The following SNTG2 variants were observed in gnomAD, a reference collection of about 807,000 sequenced individuals.
SNTG2 encodes the protein syntrophin gamma 2, also known as gamma-2-syntrophin.
SNTG2 carries 74 observed loss-of-function variants against 70.9 expected under a neutral mutation model. That is an observed-to-expected ratio of 1.04 (90% CI 0.86 to 1.27). SNTG2 has a LOEUF of 1.27. Among genes scored for constraint, SNTG2 ranks in the 50% most tolerant of loss-of-function variants. The pLI, the probability that SNTG2 is intolerant of heterozygous loss-of-function variation, is 0.00. For synonymous variants in SNTG2, 278 were observed against 273.8 expected (o/e 1.02, Z -0.15); for missense variants, 717 against 690.7 (o/e 1.04, Z -0.43).
chr2:1,168,581 A>G (rs80013127), intron 7 of SNTG2, among the ~76,000 whole-genome samples: 2,019 of 152,348 alleles, frequency 0.013, 46 homozygotes, highest in African/African-American at 0.046. Context: ...TCATAGCATG[A>G]CTTCTGCTTT....
At chr2:1,312,439 T>A (rs1681047078) in intron 15 of SNTG2, among the ~76,000 whole-genome samples, 1 of 152,110 alleles carries the variant, frequency 6.6e-6, no homozygotes, top group Non-Finnish European at 1.5e-5. Context: ...TCGACAAGAA[T>A]AGAACCCACA....
intron 4 of SNTG2, among the ~76,000 whole-genome samples, chr2:1,117,526 C>A (rs918626516): frequency 6.6e-6 from 1 of 152,168 alleles, no homozygotes; most frequent in Admixed American, 6.5e-5. Context: ...CCCTGGGGAG[C>A]TGGAGCCCTC....
At chr2:1,117,990 G>T (rs1414815699) in intron 4 of SNTG2, among the ~76,000 whole-genome samples, 1 of 152,096 alleles carries the variant, frequency 6.6e-6, no homozygotes, top group Non-Finnish European at 1.5e-5. Context: ...GGCCATGACA[G>T]TGCTATGTCC....
chr2:1,072,036 C>T (rs1187188223), intron 1 of SNTG2, among the ~76,000 whole-genome samples: 1 of 152,106 alleles, frequency 6.6e-6, no homozygotes, highest in African/African-American at 2.4e-5. Context: ...GCCATCTTGA[C>T]AACATAAAAG....
chr2:1,284,615 G>A (rs1033585927), intron 14 of SNTG2, among the ~76,000 whole-genome samples: 2 of 152,066 alleles, frequency 1.3e-5, no homozygotes, highest in Non-Finnish European at 2.9e-5. Context: ...GGCCCTAAAG[G>A]ATGTCATGTT....
intron 6 of SNTG2, among the ~76,000 whole-genome samples, chr2:1,142,515 A>T (rs1265953347): frequency 6.6e-6 from 1 of 152,144 alleles, no homozygotes; most frequent in African/African-American, 2.4e-5. Context: ...TTTTTGGCAA[A>T]GAAATGAATG....
chr2:1,289,471 G>A (rs556948359), intron 14 of SNTG2, among the ~76,000 whole-genome samples: 27 of 152,116 alleles, frequency 1.8e-4, no homozygotes, highest in Admixed American at 1.4e-3. Context: ...TTGGCAGATC[G>A]TACCCTGGAA....
intron 1 of SNTG2, among the ~76,000 whole-genome samples, chr2:963,874 A>G (rs1395231477): frequency 1.3e-5 from 2 of 152,180 alleles, no homozygotes; most frequent in Non-Finnish European, 2.9e-5. Context: ...AGATAATCCA[A>G]TTGCATGTTG....
intron 1 of SNTG2, among the ~76,000 whole-genome samples, chr2:1,021,936 C>CTTTTTTTT (rs71392556): frequency 9.9e-5 from 12 of 121,106 alleles, no homozygotes; most frequent in South Asian, 2.8e-4. Flanking sequence ...GTTTTATGTG[C>CTTTTTTTT]TTTTTTTTTT....
intron 1 of SNTG2, among the ~76,000 whole-genome samples, chr2:1,022,297 T>C (rs1660225208): frequency 6.6e-6 from 1 of 152,000 alleles, no homozygotes; most frequent in Non-Finnish European, 1.5e-5. Flanking sequence ...TGTGAGCCCC[T>C]GTGTTCCCGT....
intron 1 of SNTG2, among the ~76,000 whole-genome samples, chr2:996,743 C>CAT (rs771291753): frequency 1.7e-4 from 20 of 118,474 alleles, no homozygotes; most frequent in Non-Finnish European, 2.8e-4. Context: ...ACAAGAAAGA[C>CAT]ATTTTGGAGA....
At chr2:1,273,790 G>GA (rs1386184504) in intron 14 of SNTG2, among the ~76,000 whole-genome samples, 1 of 151,400 alleles carries the variant, frequency 6.6e-6, no homozygotes, top group Non-Finnish European at 1.5e-5. Flanking sequence ...CACAAACCAT[G>GA]AAAAAAAATT....
chr2:1,208,463 G>T (rs1307824851), intron 8 of SNTG2, among the ~76,000 whole-genome samples: 1 of 152,146 alleles, frequency 6.6e-6, no homozygotes, highest in Non-Finnish European at 1.5e-5. Flanking sequence ...AATGGGAGGT[G>T]GGTGGATCCT....
intron 16 of SNTG2, among the ~76,000 whole-genome samples, chr2:1,322,472 A>G (rs1284977833): frequency 6.6e-6 from 1 of 152,212 alleles, no homozygotes; most frequent in Non-Finnish European, 1.5e-5. Flanking sequence ...GTTCCAATGC[A>G]GACCCCATAA....
At chr2:1,302,513 C>CA (rs553562118) in intron 14 of SNTG2, among the ~76,000 whole-genome samples, 103 of 78,644 alleles carry the variant, frequency 1.3e-3, no homozygotes, top group African/African-American at 4.8e-3. Flanking sequence ...AAGAGACACT[C>CA]AAAAAAATAC....
chr2:1,192,510 GA>G (rs1367151740), intron 8 of SNTG2, among the ~76,000 whole-genome samples: 1 of 152,040 alleles, frequency 6.6e-6, no homozygotes. Context: ...AATTTACCAA[GA>G]ATTTTTAATT....
intron 8 of SNTG2, among the ~76,000 whole-genome samples, chr2:1,178,818 A>G (rs1306666279): frequency 6.6e-6 from 1 of 152,212 alleles, no homozygotes; most frequent in Admixed American, 6.5e-5. Context: ...CTGGCCTCAT[A>G]AAATGAGTTA....
intron 16 of SNTG2, among the ~76,000 whole-genome samples, chr2:1,335,763 G>A (rs1659788292): frequency 6.6e-6 from 1 of 151,866 alleles, no homozygotes; most frequent in Admixed American, 6.6e-5. Flanking sequence ...TAACTTGCTT[G>A]TGATTGGATT....
intron 14 of SNTG2, among the ~76,000 whole-genome samples, chr2:1,308,156 G>A (rs531422131): frequency 2.6e-5 from 4 of 152,312 alleles, no homozygotes; most frequent in East Asian, 1.9e-4. Flanking sequence ...CTAGCAGAAA[G>A]AAAATTCAGT....
Sources: allele counts gnomAD v4.1 joint callset (sites outside exome capture counted in the v4.1 genomes callset), GRCh38; gene constraint gnomAD v4.1.1; transcripts MANE v1.5; gene names NCBI Gene and HGNC (gene_info 2026-07-23, HGNC 2026-07-21).